The following LRRTM4 variants were observed in gnomAD, a reference collection of about 807,000 sequenced individuals.
The protein encoded by LRRTM4 is leucine rich repeat transmembrane neuronal 4.
LRRTM4 carries 25 observed loss-of-function variants against 47.6 expected under a neutral mutation model. That is an observed-to-expected ratio of 0.53 (90% CI 0.38 to 0.73). The LOEUF is 0.73. Ranked by LOEUF, LRRTM4 falls within the 30% of genes least tolerant of loss-of-function variation. The pLI is 0.00. For missense variants in LRRTM4, 638 were observed against 713.4 expected (o/e 0.89, Z 1.20); for synonymous variants, 311 against 269.5 (o/e 1.15, Z -1.51).
intron 3 of LRRTM4, among the ~76,000 whole-genome samples, chr2:76,881,693 T>C (rs1672934556): frequency 6.6e-6 from 1 of 152,110 alleles, no homozygotes; most frequent in Admixed American, 6.5e-5. Flanking sequence ...TAGTTTCTGT[T>C]AGCTAAGATG....
At chr2:77,245,047 G>T (rs1675393670) in intron 3 of LRRTM4, among the ~76,000 whole-genome samples, 2 of 152,166 alleles carry the variant, frequency 1.3e-5, no homozygotes, top group South Asian at 2.1e-4. Context: ...ATAGGATTAT[G>T]GTTTTATAAA....
intron 3 of LRRTM4, among the ~76,000 whole-genome samples, chr2:76,878,052 C>T (rs1374746446): frequency 6.6e-6 from 1 of 152,052 alleles, no homozygotes; most frequent in African/African-American, 2.4e-5. Flanking sequence ...CCCATTTTTG[C>T]AACAGCGTAT....
intron 3 of LRRTM4, among the ~76,000 whole-genome samples, chr2:77,243,260 A>G (rs1675321430): frequency 6.6e-6 from 1 of 151,848 alleles, no homozygotes; most frequent in South Asian, 2.1e-4. Context: ...AAAATACAAA[A>G]TTAGCCGGGT....
At chr2:77,297,673 T>G (rs933399253) in intron 3 of LRRTM4, among the ~76,000 whole-genome samples, 1 of 152,202 alleles carries the variant, frequency 6.6e-6, no homozygotes, top group Admixed American at 6.5e-5. Flanking sequence ...AGCCTCTCTA[T>G]GCTGTCCCTA....
chr2:77,343,985 G>A (rs1338130094), intron 3 of LRRTM4, among the ~76,000 whole-genome samples: 1 of 151,640 alleles, frequency 6.6e-6, no homozygotes, highest in Non-Finnish European at 1.5e-5. Context: ...ATAGAACGAA[G>A]GATACGATGG....
At chr2:77,273,021 G>T (rs1676247690) in intron 3 of LRRTM4, among the ~76,000 whole-genome samples, 1 of 152,072 alleles carries the variant, frequency 6.6e-6, no homozygotes, top group Non-Finnish European at 1.5e-5. Context: ...CTTTTTTAGT[G>T]AATTCCATCT....
intron 3 of LRRTM4, among the ~76,000 whole-genome samples, chr2:77,111,046 C>A (rs543190607): frequency 6.6e-6 from 1 of 152,248 alleles, no homozygotes; most frequent in South Asian, 2.1e-4. Context: ...AATTGAGAAG[C>A]AAGAAGTGGC....
At chr2:76,757,863 CAG>C (rs1442207137) in intron 3 of LRRTM4, among the ~76,000 whole-genome samples, 7 of 152,054 alleles carry the variant, frequency 4.6e-5, no homozygotes, top group Admixed American at 1.3e-4. Context: ...AGTAAACAAA[CAG>C]AAACAAATCC....
At chr2:77,274,441 A>T (rs1676286744) in intron 3 of LRRTM4, among the ~76,000 whole-genome samples, 1 of 152,158 alleles carries the variant, frequency 6.6e-6, no homozygotes, top group Non-Finnish European at 1.5e-5. Flanking sequence ...CATATCTCTT[A>T]TGGGAAGAAT....
chr2:76,930,521 G>A (rs1332393475), intron 3 of LRRTM4, among the ~76,000 whole-genome samples: 2 of 152,160 alleles, frequency 1.3e-5, no homozygotes, highest in Non-Finnish European at 1.5e-5. Flanking sequence ...CAGCAGAAGT[G>A]TGCTGATGGC....
At chr2:77,004,631 C>A (rs1357170051) in intron 3 of LRRTM4, among the ~76,000 whole-genome samples, 1 of 152,132 alleles carries the variant, frequency 6.6e-6, no homozygotes, top group African/African-American at 2.4e-5. Context: ...CAATGGGGCA[C>A]TGTCTATTGG....
intron 3 of LRRTM4, among the ~76,000 whole-genome samples, chr2:77,195,179 A>T (rs985716306): frequency 7.9e-5 from 12 of 151,912 alleles, no homozygotes; most frequent in African/African-American, 2.9e-4. Context: ...ATATCTATAT[A>T]ATTTAAGAGG....
intron 3 of LRRTM4, among the ~76,000 whole-genome samples, chr2:76,779,348 G>A (rs1344008605): frequency 2.0e-5 from 3 of 150,938 alleles, no homozygotes; most frequent in Admixed American, 1.3e-4. Context: ...TCTGTCTAAT[G>A]TTGACAGTGG....
rs116351970 is a variant in LRRTM4 at position 76,757,560 on chromosome 2, T to C, written c.1552-8644A>G. Among the ~76,000 whole-genome samples, 1,183 of 152,262 alleles carry C rather than the reference T, an allele frequency of 7.8e-3. 15 individuals carry two copies. The highest frequency in any genetic ancestry group is 0.027 in the African/African-American group (1,122 of 41,552). ...AGCTGGATTAATTAGCTGGTATTAA[T>C]TTCTAAAGGCTTTCCTTCGGTAGCT... On this transcript the variant is annotated intron_variant, in intron 3 of 3. Transcript: ENST00000409884.
At chr2:77,126,523 C>T (rs1386043099) in intron 3 of LRRTM4, among the ~76,000 whole-genome samples, 3 of 152,112 alleles carry the variant, frequency 2.0e-5, no homozygotes, top group Non-Finnish European at 4.4e-5. Context: ...CCCAAAGCTA[C>T]GTATAATGGT....
chr2:76,791,993 T>C (rs938851596), intron 3 of LRRTM4, among the ~76,000 whole-genome samples: 1 of 152,188 alleles, frequency 6.6e-6, no homozygotes, highest in African/African-American at 2.4e-5. Context: ...ATTTCATTAC[T>C]TTCCAGTTTT....
intron 3 of LRRTM4, among the ~76,000 whole-genome samples, chr2:77,203,032 T>C (rs182468057): frequency 1.2e-4 from 18 of 152,134 alleles, no homozygotes; most frequent in Non-Finnish European, 1.9e-4. Context: ...TTGATAATTA[T>C]GTGAATTTGA....
chr2:76,815,932 T>C (rs890923339), intron 3 of LRRTM4, among the ~76,000 whole-genome samples: 24 of 152,240 alleles, frequency 1.6e-4, no homozygotes, highest in African/African-American at 5.3e-4. Flanking sequence ...TTCCCCTTTT[T>C]TTTCTCTAAA....
chr2:77,492,320 C>T (rs956096687), intron 3 of LRRTM4, among the ~76,000 whole-genome samples: 3 of 152,020 alleles, frequency 2.0e-5, no homozygotes, highest in Non-Finnish European at 4.4e-5. Context: ...AGTGCCGTGG[C>T]ATGAACATAG....
Sources: gnomAD v4.1 joint callset for allele counts (sites outside exome capture counted in the v4.1 genomes callset) on GRCh38, gnomAD v4.1.1 for gene constraint, MANE v1.5 for transcripts, NCBI Gene and HGNC (gene_info 2026-07-23, HGNC 2026-07-21) for gene names.